The following DLGAP1 variants were observed in gnomAD, a reference collection of about 807,000 sequenced individuals.
The protein encoded by DLGAP1 is disks large-associated protein 1.
In DLGAP1, 11 loss-of-function variants were observed where a neutral mutation model predicts 90.8. That is an observed-to-expected ratio of 0.12 (90% confidence interval 0.08 to 0.20). The LOEUF is 0.20. DLGAP1 is among the 10% of genes least tolerant of loss of function. The pLI, the probability that DLGAP1 is intolerant of heterozygous loss-of-function variation, is 1.00. For missense variants in DLGAP1, 1,050 were observed against 1,333.8 expected (o/e 0.79, Z 3.31); for synonymous variants, 558 against 540.7 (o/e 1.03, Z -0.44).
intron 9 of DLGAP1, among the ~76,000 whole-genome samples, chr18:3,562,547 T>G (rs899333413): frequency 7.0e-6 from 1 of 142,088 alleles, no homozygotes; most frequent in African/African-American, 2.8e-5. Flanking sequence ...CCCTTTTTTT[T>G]TTTTTTTTTT....
At chr18:3,619,049 G>C (rs529031378) in intron 7 of DLGAP1, among the ~76,000 whole-genome samples, 1 of 152,178 alleles carries the variant, frequency 6.6e-6, no homozygotes, top group Non-Finnish European at 1.5e-5. Context: ...CATAGACCAA[G>C]TGAGGACAGA....
At chr18:4,443,209 C>T (rs554918221) in intron 1 of DLGAP1, among the ~76,000 whole-genome samples, 2 of 152,350 alleles carry the variant, frequency 1.3e-5, no homozygotes, top group South Asian at 4.1e-4. Context: ...CTGAACTATC[C>T]TTTCCTTCCT....
intron 1 of DLGAP1, among the ~76,000 whole-genome samples, chr18:4,434,007 C>T (rs2083345577): frequency 6.6e-6 from 1 of 152,084 alleles, no homozygotes; most frequent in African/African-American, 2.4e-5. Flanking sequence ...CCAAATAGCT[C>T]AGCCCTTTCA....
chr18:3,774,164 G>A (rs2148053531), intron 5 of DLGAP1: 1 of 152,310 alleles, frequency 6.6e-6, no homozygotes, highest in South Asian at 2.1e-4. Context: ...GTTCCTCTTG[G>A]TGAGTGCCAG....
At chr18:3,952,392 C>T (rs945955816) in intron 3 of DLGAP1, among the ~76,000 whole-genome samples, 2 of 152,134 alleles carry the variant, frequency 1.3e-5, no homozygotes, top group Admixed American at 6.6e-5. Context: ...CCACTGAGGA[C>T]GAAGGCTGTT....
intron 10 of DLGAP1, among the ~76,000 whole-genome samples, chr18:3,527,158 G>A (rs748568074): frequency 2.0e-5 from 3 of 152,030 alleles, no homozygotes; most frequent in Non-Finnish European, 2.9e-5. Context: ...GCTTGTTTTC[G>A]GTCTGCCTTT....
chr18:4,430,210 T>G (rs1009191954), intron 1 of DLGAP1, among the ~76,000 whole-genome samples: 4 of 152,194 alleles, frequency 2.6e-5, no homozygotes, highest in African/African-American at 7.2e-5. Context: ...GGGTATTTGT[T>G]GAGTTGTTAT....
intron 1 of DLGAP1, among the ~76,000 whole-genome samples, chr18:4,157,855 C>T (rs769297015): frequency 2.0e-5 from 3 of 152,118 alleles, no homozygotes; most frequent in African/African-American, 7.2e-5. Flanking sequence ...ACGCCATGCT[C>T]GCCACTGGAA....
chr18:4,075,407 T>G (rs2075508593), intron 2 of DLGAP1, among the ~76,000 whole-genome samples: 1 of 152,162 alleles, frequency 6.6e-6, no homozygotes, highest in Non-Finnish European at 1.5e-5. Flanking sequence ...TTTTAAAAAA[T>G]CATGCAACCA....
intron 6 of DLGAP1, among the ~76,000 whole-genome samples, chr18:3,737,945 T>C (rs1392946851): frequency 1.3e-5 from 2 of 150,318 alleles, no homozygotes; most frequent in Non-Finnish European, 3.0e-5. Flanking sequence ...ACAAAATCAA[T>C]GTACAAAAAT....
chr18:4,259,793 T>C (rs576163202), intron 1 of DLGAP1, among the ~76,000 whole-genome samples: 112 of 152,344 alleles, frequency 7.4e-4, no homozygotes, highest in African/African-American at 2.7e-3. Context: ...AAGGGGTCTA[T>C]TGTGCCCTTA....
chr18:4,439,904 G>T (rs2083490277), intron 1 of DLGAP1, among the ~76,000 whole-genome samples: 2 of 151,938 alleles, frequency 1.3e-5, no homozygotes, highest in South Asian at 4.2e-4. Flanking sequence ...AGATCACAAG[G>T]TCAGGAGATC....
intron 1 of DLGAP1, among the ~76,000 whole-genome samples, chr18:4,262,513 CTA>C (rs1422366209): frequency 6.6e-6 from 1 of 152,198 alleles, no homozygotes; most frequent in Non-Finnish European, 1.5e-5. Flanking sequence ...CTACATGACA[CTA>C]AATTAAATGA....
intron 2 of DLGAP1, among the ~76,000 whole-genome samples, chr18:4,067,239 C>A (rs62085281): frequency 0.12 from 18,689 of 151,862 alleles, 1,496 homozygotes; most frequent in Non-Finnish European, 0.18. Flanking sequence ...GGGCTTAATA[C>A]CTGAGTGATG....
At chr18:3,605,606 A>G (rs962530944) in intron 7 of DLGAP1, among the ~76,000 whole-genome samples, 2 of 152,204 alleles carry the variant, frequency 1.3e-5, no homozygotes, top group Admixed American at 6.5e-5. Flanking sequence ...GTTAATTTGC[A>G]AATTCATTGG....
At chr18:4,018,780 T>C (rs2074562158) in intron 2 of DLGAP1, among the ~76,000 whole-genome samples, 1 of 152,252 alleles carries the variant, frequency 6.6e-6, no homozygotes, top group Non-Finnish European at 1.5e-5. Flanking sequence ...ATCTGTATTA[T>C]GACTTCGTCA....
intron 9 of DLGAP1, among the ~76,000 whole-genome samples, chr18:3,542,949 C>A (rs998093620): frequency 2.6e-5 from 4 of 152,154 alleles, no homozygotes; most frequent in Admixed American, 2.6e-4. Flanking sequence ...AGGCAAAATC[C>A]AGGACATAGG....
intron 2 of DLGAP1, among the ~76,000 whole-genome samples, chr18:4,068,003 TTGAC>T (rs2075394220): frequency 2.0e-5 from 3 of 152,212 alleles, no homozygotes; most frequent in Admixed American, 2.0e-4. Flanking sequence ...TTTACAGAGT[TTGAC>T]TGTTTCCATT....
intron 3 of DLGAP1, among the ~76,000 whole-genome samples, chr18:3,974,495 G>T (rs1222460948): frequency 6.6e-6 from 1 of 152,142 alleles, no homozygotes; most frequent in East Asian, 1.9e-4. Context: ...CACACAAAAA[G>T]ATCTCACTTT....
Sources: gnomAD v4.1 joint callset for allele counts (sites outside exome capture counted in the v4.1 genomes callset) on GRCh38, gnomAD v4.1.1 for gene constraint, MANE v1.5 for transcripts, NCBI Gene and HGNC (gene_info 2026-07-23, HGNC 2026-07-21) for gene names.